LY86: variants seen among roughly 807,000 people sequenced by gnomAD.
LY86 encodes MD-1, RP105-associated.
In LY86, 20 loss-of-function variants were observed where a neutral mutation model predicts 17.3. The ratio of observed to expected loss-of-function variants is 1.15; its 90% CI spans 0.81 to 1.68. The LOEUF is 1.68. Among genes scored for constraint, LY86 ranks in the 40% most tolerant of loss-of-function variants. LY86 has a pLI of 0.00. For synonymous variants in LY86, 74 were observed against 70.6 expected, an observed-to-expected ratio of 1.05 and a Z score of -0.24; for missense variants, 200 against 191.9, an observed-to-expected ratio of 1.04 and a Z score of -0.25.
chr6:6,624,841 TG>T (rs1761755628), intron 1 of LY86, 84 bp from the exon 2 acceptor site: 1 of 653,990 alleles, frequency 1.5e-6, no homozygotes, highest in Non-Finnish European at 2.7e-6. Context: ...GCAATTCATG[TG>T]AAAACAATAT....
At chr6:6,599,641 CAA>C (rs1384894580) in intron 1 of LY86, among the ~76,000 whole-genome samples, 1 of 152,228 alleles carries the variant, frequency 6.6e-6, no homozygotes, top group Non-Finnish European at 1.5e-5. Context: ...TCTGCAGGCA[CAA>C]AGAGAGGGGT....
rs147833117 is a variant in LY86, at chr6:6,643,835, T to C, written c.353-5790T>C. On this transcript the variant is annotated intron_variant, in intron 3 of 4. Coordinates refer to ENST00000230568, the MANE Select transcript of LY86 (RefSeq NM_004271.4). ...CTAACCACGTTATACAACTTAAATATATACAATTTTTATTTGTCAATCATT... is the reference window on the plus strand; with the variant it reads ...CTAACCACGTTATACAACTTAAATACATACAATTTTTATTTGTCAATCATT... Among the ~76,000 whole-genome samples, 130 of 152,318 alleles carry C rather than the reference T, an allele frequency of 8.5e-4. 2 individuals carry two copies. In the East Asian group the frequency reaches 0.023, roughly 26 times the overall value.
intron 1 of LY86, among the ~76,000 whole-genome samples, chr6:6,589,567 A>G (rs2113064565): frequency 6.6e-6 from 1 of 152,352 alleles, no homozygotes; most frequent in African/African-American, 2.4e-5. Context: ...GCTGTGTCTT[A>G]GTCAGCTAGG....
At chr6:6,605,040 A>AC (rs1649807167) in intron 1 of LY86, among the ~76,000 whole-genome samples, 1 of 133,598 alleles carries the variant, frequency 7.5e-6, no homozygotes, top group Non-Finnish European at 1.7e-5. Context: ...GAGAAAAAAA[A>AC]ATCTAGAGTG....
chr6:6,643,435 T>G (rs761758942), intron 3 of LY86, among the ~76,000 whole-genome samples: 41 of 152,208 alleles, frequency 2.7e-4, no homozygotes, highest in Non-Finnish European at 5.3e-4. Flanking sequence ...TGATCTCACT[T>G]ACAGGTGGAA....
At chr6:6,605,598 A>T (rs1458722298) in intron 1 of LY86, among the ~76,000 whole-genome samples, 1 of 152,270 alleles carries the variant, frequency 6.6e-6, no homozygotes, top group Admixed American at 6.5e-5. Context: ...TCATAGTCTC[A>T]TGACATTGCA....
At chr6:6,593,741 G>A (rs890311264) in intron 1 of LY86, among the ~76,000 whole-genome samples, 28 of 152,198 alleles carry the variant, frequency 1.8e-4, no homozygotes, top group African/African-American at 4.8e-4. Flanking sequence ...AGGGATGAGC[G>A]ATGAGGGGAA....
intron 4 of LY86, among the ~76,000 whole-genome samples, chr6:6,650,375 C>T (rs1762169693): frequency 6.8e-6 from 1 of 148,096 alleles, no homozygotes; most frequent in Non-Finnish European, 1.5e-5. Flanking sequence ...TGTTCTGCCT[C>T]CCAGGCTGGA....
At chr6:6,605,032 GAAAAA>G (rs11420827) in intron 1 of LY86, among the ~76,000 whole-genome samples, 2 of 149,760 alleles carry the variant, frequency 1.3e-5, no homozygotes, top group East Asian at 4.0e-4. Context: ...AGACTTTGGA[GAAAAA>G]AAAATCTAGA....
intron 3 of LY86, among the ~76,000 whole-genome samples, chr6:6,637,712 G>A (rs1007050431): frequency 3.9e-5 from 6 of 152,144 alleles, no homozygotes; most frequent in African/African-American, 1.4e-4. Flanking sequence ...GAGCCCCCCA[G>A]TGTGAGAAAC....
In LY86 at chr6:6,606,222, C is replaced by G. The variant is rs553214307; in HGVS notation, c.136+17352C>G. 7.9e-4 allele frequency among the ~76,000 whole-genome samples: 121 copies of G among 152,238 alleles called. 1 individual carries two copies. In the East Asian group the frequency reaches 0.01, roughly 13 times the overall value. ...GCTCTCCACCTCCCCACTAGATTAG[C>G]TAGATACAGAGTGTGGACGCAAAGG... On this transcript the variant is annotated intron_variant, in intron 1 of 4. Coordinates refer to ENST00000230568, the MANE Select transcript of LY86 (RefSeq NM_004271.4).
chr6:6,620,457 C>T (rs1446650081), intron 1 of LY86, among the ~76,000 whole-genome samples: 3 of 152,232 alleles, frequency 2.0e-5, no homozygotes, highest in African/African-American at 7.2e-5. Context: ...CCACAGGGGG[C>T]GGAGCTACAT....
intron 1 of LY86, among the ~76,000 whole-genome samples, chr6:6,613,428 C>T (rs1197522021): frequency 6.6e-6 from 1 of 152,224 alleles, no homozygotes; most frequent in Non-Finnish European, 1.5e-5. Flanking sequence ...GGTCCTGAGC[C>T]CTGCCGCGCC....
chr6:6,638,041 G>A (rs1761985199), intron 3 of LY86, among the ~76,000 whole-genome samples: 1 of 152,218 alleles, frequency 6.6e-6, no homozygotes, highest in Non-Finnish European at 1.5e-5. Context: ...CTTGCAGACA[G>A]AATGCCACTG....
At chr6:6,608,257 G>A (rs1383694180) in intron 1 of LY86, among the ~76,000 whole-genome samples, 1 of 152,208 alleles carries the variant, frequency 6.6e-6, no homozygotes, top group Non-Finnish European at 1.5e-5. Flanking sequence ...CTTTGTCTAC[G>A]CAGAAAAACC....
At chr6:6,617,277 G>C (rs1188403444) in intron 1 of LY86, among the ~76,000 whole-genome samples, 1 of 152,176 alleles carries the variant, frequency 6.6e-6, no homozygotes, top group Non-Finnish European at 1.5e-5. Context: ...ACCACGGCTA[G>C]CACAGTGTCC....
intron 1 of LY86, among the ~76,000 whole-genome samples, chr6:6,605,736 A>AT (rs1303451256): frequency 8.5e-5 from 13 of 152,238 alleles, no homozygotes; most frequent in Non-Finnish European, 1.3e-4. Flanking sequence ...TACAGTTCTT[A>AT]AAAGGCAGTG....
intron 4 of LY86, among the ~76,000 whole-genome samples, chr6:6,653,476 G>A (rs779205500): frequency 1.4e-4 from 22 of 152,268 alleles, no homozygotes; most frequent in African/African-American, 4.3e-4. Flanking sequence ...TCACCGCTCC[G>A]TGGCTGCTGG....
At chr6:6,624,806 G>A in intron 1 of LY86, 120 bp from the exon 2 acceptor site, 1 of 605,862 alleles carries the variant, frequency 1.7e-6, no homozygotes, top group Non-Finnish European at 2.9e-6. Context: ...AAAAGTGTTG[G>A]GCAATATGCT....
Sources: gnomAD v4.1 joint callset for allele counts (sites outside exome capture counted in the v4.1 genomes callset) on GRCh38, gnomAD v4.1.1 for gene constraint, MANE v1.5 for transcripts, NCBI Gene and HGNC (gene_info 2026-07-23, HGNC 2026-07-21) for gene names.